RABGEF1: variants seen among roughly 807,000 people sequenced by gnomAD.
RABGEF1 encodes RAB guanine nucleotide exchange factor 1, also known as rab5 GDP/GTP exchange factor.
In RABGEF1, 26 loss-of-function variants were observed where a neutral mutation model predicts 57.3. The observed-to-expected ratio is 0.45, with a 90% CI of 0.33 to 0.63. The LOEUF (loss-of-function observed/expected upper bound fraction) is 0.63. Ranked by LOEUF, RABGEF1 falls within the 20% of genes least tolerant of loss-of-function variation. RABGEF1 has a pLI of 0.02. For synonymous variants in RABGEF1, 185 were observed against 210.7 expected (o/e 0.88, Z 1.06); for missense variants, 464 against 607.6 (o/e 0.76, Z 2.48).
At chr7:66,677,654 CG>C (rs1461699097), upstream of RABGEF1, among the ~76,000 whole-genome samples, 1 of 148,742 alleles carries the variant, frequency 6.7e-6, no homozygotes, top group Non-Finnish European at 1.5e-5. Context: ...CCCAGCTACT[CG>C]GGAGGCTGAG....
At chr7:66,689,155 T>TTAAAGTGTA (rs1791152705) in intron 1 of RABGEF1, among the ~76,000 whole-genome samples, 1 of 151,754 alleles carries the variant, frequency 6.6e-6, no homozygotes, top group Non-Finnish European at 1.5e-5. Flanking sequence ...ACTATACACT[T>TTAAAGTGTA]TAAAGGATCT....
At chr7:66,674,796 G>T in the RABGEF1 span, among the ~76,000 whole-genome samples, 1 of 151,806 alleles carries the variant, frequency 6.6e-6, no homozygotes, top group African/African-American at 2.4e-5. Context: ...TGCTTCCGTA[G>T]GGATTAACTG....
chr7:66,758,532 T>G (rs1354109962), intron 1 of RABGEF1, among the ~76,000 whole-genome samples: 1 of 152,218 alleles, frequency 6.6e-6, no homozygotes, highest in Admixed American at 6.5e-5. Flanking sequence ...CGGAGCTCCC[T>G]CCTGGAAGCA....
chr7:66,803,904 G>A (rs923262864), intron 7 of RABGEF1, among the ~76,000 whole-genome samples: 11 of 147,932 alleles, frequency 7.4e-5, no homozygotes, highest in African/African-American at 2.5e-4. Context: ...AAAAAAAAAA[G>A]AAAGAAAGAA....
chr7:66,661,925 G>A, the RABGEF1 span, among the ~76,000 whole-genome samples: 1 of 152,136 alleles, frequency 6.6e-6, no homozygotes, highest in South Asian at 2.1e-4. Flanking sequence ...CAGCACTTTG[G>A]GAGGTTAAGG....
At chr7:66,754,371 C>CT (rs113278671) in intron 1 of RABGEF1, among the ~76,000 whole-genome samples, 2,364 of 142,842 alleles carry the variant, frequency 0.017, 58 homozygotes, top group East Asian at 0.099. Context: ...TTTCTTTCAG[C>CT]TTTTTTTTTT....
chr7:66,797,320 A>AAG, intron 5 of RABGEF1, 54 bp from the exon 6 acceptor site: 4 of 1,162,008 alleles, frequency 3.4e-6, no homozygotes, highest in Non-Finnish European at 4.6e-6. Flanking sequence ...AAAAAAAAAA[A>AAG]AGAGAGAGAA....
chr7:66,705,230 G>A (rs1008564823), intron 1 of RABGEF1, among the ~76,000 whole-genome samples: 11 of 151,990 alleles, frequency 7.2e-5, no homozygotes, highest in Non-Finnish European at 1.3e-4. Context: ...GTAAAACCCC[G>A]TCTGTACTAA....
chr7:66,772,921 T>A (rs4718400), intron 2 of RABGEF1, among the ~76,000 whole-genome samples: 66,688 of 143,922 alleles, frequency 0.46, 15,655 homozygotes, highest in East Asian at 0.56. Context: ...CAAAAAAAAA[T>A]AAATAAATAA....
chr7:66,673,227 T>C, the RABGEF1 span, among the ~76,000 whole-genome samples: 2 of 144,948 alleles, frequency 1.4e-5, no homozygotes, highest in African/African-American at 5.2e-5. Flanking sequence ...GTTGAATGAC[T>C]CAGATAAAAT....
upstream of RABGEF1, among the ~76,000 whole-genome samples, chr7:66,738,178 C>T (rs1798270877): frequency 6.6e-6 from 1 of 151,944 alleles, no homozygotes; most frequent in South Asian, 2.1e-4. Flanking sequence ...AGGCCACCAC[C>T]TGGCTAATTT....
chr7:66,760,865 G>T (rs547802783), intron 1 of RABGEF1, among the ~76,000 whole-genome samples: 1 of 152,260 alleles, frequency 6.6e-6, no homozygotes, highest in East Asian at 1.9e-4. Context: ...TTGACTTTGA[G>T]CCATCCTCCC....
Position 66,809,164 on chromosome 7 carries a change from C to G in RABGEF1, c.1356C>G (p.Ile452Met), listed in dbSNP as rs748704918. ...GAATTGCAAGAGAAGTTCAAGACAT[C>G]GTTGAGAAATACCCACTGGAAATTA... Reference protein sequence around the residue: ...TDGIAREVQDIVEKYPLEIKP... With the variant: ...TDGIAREVQDMVEKYPLEIKP... Residue 452 changes from isoleucine to methionine, a missense_variant, in exon 9 of 9, where the codon ATC becomes ATG. Coordinates refer to ENST00000284957, the MANE Select transcript of RABGEF1 (RefSeq NM_014504.3). 6.2e-7 allele frequency: 1 copy of G among 1,614,180 alleles called. No individual in the cohort carries two copies. The highest frequency in any genetic ancestry group is 1.1e-5 in the South Asian group (1 of 91,082).
intron 1 of RABGEF1, among the ~76,000 whole-genome samples, chr7:66,771,142 T>A (rs71563137): frequency 6.6e-6 from 1 of 151,998 alleles, no homozygotes; most frequent in Non-Finnish European, 1.5e-5. Flanking sequence ...TTTTTAAAAA[T>A]TTTTTATTTC....
chr7:66,771,844 T>C (rs1469642024), intron 1 of RABGEF1, 39 bp from the exon 2 acceptor site: 1 of 1,334,856 alleles, frequency 7.5e-7, no homozygotes, highest in Non-Finnish European at 9.9e-7. Context: ...TTTAGTAGAA[T>C]GATAATTCAT....
Position 66,792,110 on chromosome 7 carries a change from C to CAA in RABGEF1, c.514-3386_514-3385dup, listed in dbSNP as rs200920841. Among the ~76,000 whole-genome samples the CAA allele has an allele frequency of 1.6e-4, 15 of 91,018 alleles. No homozygotes were observed. The South Asian group carries it at 3.3e-3, about 20-fold the overall frequency. The allele number at this position is 91,018 out of a possible 152,430, so 59.7% of individuals were successfully genotyped here. ...CTGGCGACAGAGCGAGACTCCATCT[C>CAA]AAAAAAAAAAAAAAAAGATTATAGA... On this transcript the variant is annotated intron_variant, in intron 4 of 8. Transcript: ENST00000284957.
rs896185462 is a variant in RABGEF1 at position 66,795,709 on chromosome 7, C to T, written c.595+117C>T. The T allele has an allele frequency of 1.8e-5, 17 of 927,408 alleles. 1 individual carries two copies. The Middle Eastern group carries it at 2.5e-3, about 138-fold the overall frequency. The allele number at this position is 927,408 out of a possible 1,614,324, so 57.4% of individuals were successfully genotyped here. On this transcript the variant is annotated intron_variant, in intron 5 of 8. Coordinates refer to ENST00000284957, the MANE Select transcript of RABGEF1 (RefSeq NM_014504.3). Reference sequence around the variant, plus strand: ...CTGGTTTGTAGACTTCATCCTGTAACCTCATGGACATTCTGGGAACTGGTC... The same window carrying T: ...CTGGTTTGTAGACTTCATCCTGTAATCTCATGGACATTCTGGGAACTGGTC...
In RABGEF1 at chr7:66,788,290, C is replaced by G. The variant is rs540617632; in HGVS notation, c.513+4449C>G. On this transcript the variant is annotated intron_variant, in intron 4 of 8. Coordinates refer to ENST00000284957, the MANE Select transcript of RABGEF1 (RefSeq NM_014504.3). ...TGAAACCCTGTCTCTACTAAAAATA[C>G]AAAAATTAGCTGGGCATGGTGGCGC... Among the ~76,000 whole-genome samples the G allele has an allele frequency of 2.7e-3, 411 of 151,960 alleles. 2 individuals are homozygous for G. Among genetic ancestry groups the G allele is most frequent in the African/African-American group, 9.2e-3 (382 of 41,444 alleles).
intron 1 of RABGEF1, among the ~76,000 whole-genome samples, chr7:66,691,930 ATCT>A (rs1240836378): frequency 2.0e-5 from 3 of 152,058 alleles, no homozygotes; most frequent in African/African-American, 7.2e-5. Flanking sequence ...GCTGGCACGC[ATCT>A]GTAGTCCCAG....
Sources: allele counts gnomAD v4.1 joint callset (sites outside exome capture counted in the v4.1 genomes callset), GRCh38; gene constraint gnomAD v4.1.1; transcripts MANE v1.5; gene names NCBI Gene and HGNC (gene_info 2026-07-23, HGNC 2026-07-21).